AUTS2: variants seen among roughly 807,000 people sequenced by gnomAD.
AUTS2 encodes the protein autism susceptibility gene 2 protein.
AUTS2 carries 17 observed loss-of-function variants against 112.4 expected under a neutral mutation model. The observed-to-expected ratio is 0.15, with a 90% CI of 0.10 to 0.23. The LOEUF is 0.23. Ranked by LOEUF, AUTS2 falls within the 10% of genes least tolerant of loss-of-function variation. The pLI is 1.00. For synonymous variants in AUTS2, 751 were observed against 702.7 expected, an observed-to-expected ratio of 1.07 and a Z score of -1.09; for missense variants, 1,510 against 1,701.6, an observed-to-expected ratio of 0.89 and a Z score of 1.98.
At chr7:70,036,836 A>G (rs1801025992) in intron 2 of AUTS2, among the ~76,000 whole-genome samples, 1 of 152,196 alleles carries the variant, frequency 6.6e-6, no homozygotes, top group Non-Finnish European at 1.5e-5. Flanking sequence ...TCACCTACCA[A>G]GAGTGTTCAT....
chr7:70,364,150 A>T (rs1298503851), intron 4 of AUTS2, among the ~76,000 whole-genome samples: 1 of 152,136 alleles, frequency 6.6e-6, no homozygotes, highest in Non-Finnish European at 1.5e-5. Flanking sequence ...TCACGTTGAT[A>T]TGGAAGGAAG....
intron 4 of AUTS2, among the ~76,000 whole-genome samples, chr7:70,178,182 G>T (rs2129580236): frequency 6.6e-6 from 1 of 152,234 alleles, no homozygotes; most frequent in East Asian, 1.9e-4. Context: ...CCCCTAACAT[G>T]ATGTCCTTTA....
intron 1 of AUTS2, among the ~76,000 whole-genome samples, chr7:69,688,597 C>A (rs891811351): frequency 1.3e-5 from 2 of 152,110 alleles, no homozygotes; most frequent in Non-Finnish European, 2.9e-5. Context: ...AGCATTCCAT[C>A]ATCTCAAACA....
intron 4 of AUTS2, among the ~76,000 whole-genome samples, chr7:70,326,791 A>T (rs1354715002): frequency 6.6e-6 from 1 of 152,182 alleles, no homozygotes; most frequent in African/African-American, 2.4e-5. Context: ...ATGAGGAGAC[A>T]TTGAATCCTC....
At chr7:70,471,564 A>C (rs1002195924) in intron 5 of AUTS2, among the ~76,000 whole-genome samples, 65 of 152,224 alleles carry the variant, frequency 4.3e-4, no homozygotes, top group Non-Finnish European at 6.3e-4. Flanking sequence ...TGCCTACCCT[A>C]TATTAGGCAC....
intron 1 of AUTS2, among the ~76,000 whole-genome samples, chr7:69,759,636 G>A (rs1485843658): frequency 6.6e-6 from 1 of 152,038 alleles, no homozygotes; most frequent in East Asian, 1.9e-4. Flanking sequence ...TTGTGCATTG[G>A]ACAGTTAGAT....
intron 1 of AUTS2, among the ~76,000 whole-genome samples, chr7:69,895,087 G>A (rs775712642): frequency 6.6e-6 from 1 of 152,156 alleles, no homozygotes; most frequent in Non-Finnish European, 1.5e-5. Flanking sequence ...CTACTGGTTG[G>A]TTGGTGGTGG....
At chr7:69,706,794 G>A (rs970280414) in intron 1 of AUTS2, among the ~76,000 whole-genome samples, 10 of 152,120 alleles carry the variant, frequency 6.6e-5, no homozygotes, top group African/African-American at 1.9e-4. Context: ...GAACTGAGCC[G>A]CTGTCCTTTA....
chr7:70,112,640 T>G (rs1209446028), intron 2 of AUTS2, among the ~76,000 whole-genome samples: 1 of 152,058 alleles, frequency 6.6e-6, no homozygotes, highest in Non-Finnish European at 1.5e-5. Flanking sequence ...AGGTAAAGAC[T>G]GTACCTTTCA....
At chr7:69,930,954 A>G (rs1796203780) in intron 2 of AUTS2, among the ~76,000 whole-genome samples, 1 of 152,182 alleles carries the variant, frequency 6.6e-6, no homozygotes, top group African/African-American at 2.4e-5. Context: ...TATTTCTTAT[A>G]CATCTTAATT....
intron 6 of AUTS2, among the ~76,000 whole-genome samples, chr7:70,739,003 C>CTTTTGTTTTTTTTT (rs1787939478): frequency 1.7e-5 from 1 of 57,298 alleles, no homozygotes; most frequent in Non-Finnish European, 3.2e-5. Context: ...GTTTTGAGGC[C>CTTTTGTTTTTTTTT]TTTTTTTTTT....
chr7:70,290,484 C>T (rs768109113), intron 4 of AUTS2: 111 of 1,539,914 alleles, frequency 7.2e-5, no homozygotes, highest in East Asian at 1.7e-4. Context: ...TCTTTTCTCT[C>T]GTCAAATTGC....
chr7:70,108,285 G>T (rs1174615720), intron 2 of AUTS2, among the ~76,000 whole-genome samples: 6 of 152,072 alleles, frequency 3.9e-5, no homozygotes. Context: ...TGCAACCAAA[G>T]TATTTTATAT....
intron 5 of AUTS2, among the ~76,000 whole-genome samples, chr7:70,605,544 C>CTT (rs760981505): frequency 3.7e-4 from 15 of 40,508 alleles, no homozygotes; most frequent in Admixed American, 9.3e-4. Context: ...TTCCTTCTTT[C>CTT]TCTTTTTTTT....
At chr7:70,404,721 A>T (rs1794462162) in intron 4 of AUTS2, among the ~76,000 whole-genome samples, 1 of 152,182 alleles carries the variant, frequency 6.6e-6, no homozygotes, top group African/African-American at 2.4e-5. Flanking sequence ...ATATCTTGAT[A>T]GTTGTATGTG....
Position 70,156,792 on chromosome 7 carries a change from A to C in AUTS2, c.660+22221A>C, listed in dbSNP as rs1372463230. On this transcript the variant is annotated intron_variant, in intron 4 of 18. Transcript: ENST00000342771. ...AGGCCTGGCGTGGTGGCTCATGCCTATAATCCCAGCACTTTGGGAAGCCGA... is the reference window on the plus strand; with the variant it reads ...AGGCCTGGCGTGGTGGCTCATGCCTCTAATCCCAGCACTTTGGGAAGCCGA... Among the ~76,000 whole-genome samples the C allele has an allele frequency of 2.7e-5, 4 of 149,866 alleles. No individual in the cohort carries two copies. The East Asian group carries it at 8.0e-4, about 30-fold the overall frequency.
chr7:69,901,983 G>A (rs562413211), intron 2 of AUTS2, among the ~76,000 whole-genome samples: 1 of 152,284 alleles, frequency 6.6e-6, no homozygotes, highest in East Asian at 1.9e-4. Flanking sequence ...GTAAAGGTCT[G>A]TAAAGGAGTC....
intron 2 of AUTS2, among the ~76,000 whole-genome samples, chr7:69,966,708 G>A (rs1797648158): frequency 6.6e-6 from 1 of 152,088 alleles, no homozygotes; most frequent in Non-Finnish European, 1.5e-5. Context: ...GTGCCTGGGT[G>A]TCTCACATCC....
At chr7:70,157,211 T>A (rs1026989668) in intron 4 of AUTS2, among the ~76,000 whole-genome samples, 1 of 152,142 alleles carries the variant, frequency 6.6e-6, no homozygotes, top group East Asian at 1.9e-4. Flanking sequence ...CATCACTTTT[T>A]AATCAGCTTT....
Sources: gnomAD v4.1 joint callset for allele counts (sites outside exome capture counted in the v4.1 genomes callset) on GRCh38, gnomAD v4.1.1 for gene constraint, MANE v1.5 for transcripts, NCBI Gene and HGNC (gene_info 2026-07-23, HGNC 2026-07-21) for gene names.